The following ANGPT1 variants were observed in gnomAD, a reference collection of about 807,000 sequenced individuals.
ANGPT1 encodes angiopoietin 1.
A neutral mutation model predicts 62.2 loss-of-function variants in ANGPT1; 17 were observed. The ratio of observed to expected loss-of-function variants is 0.27; its 90% CI spans 0.19 to 0.41. The LOEUF (loss-of-function observed/expected upper bound fraction) is 0.41, where lower values mean the gene tolerates loss of function less well. Ranked by LOEUF, ANGPT1 falls within the 10% of genes least tolerant of loss-of-function variation. ANGPT1 has a pLI of 1.00. For synonymous variants in ANGPT1, 199 were observed against 198.9 expected, an observed-to-expected ratio of 1.00 and a Z score of 0.00; for missense variants, 478 against 594.9, an observed-to-expected ratio of 0.80 and a Z score of 2.04.
At chr8:107,426,447 T>C (rs971428568) in intron 1 of ANGPT1, among the ~76,000 whole-genome samples, 7 of 152,200 alleles carry the variant, frequency 4.6e-5, no homozygotes, top group Admixed American at 1.3e-4. Flanking sequence ...ATCGCATGTT[T>C]GAGGAAAGTT....
intron 1 of ANGPT1, among the ~76,000 whole-genome samples, chr8:107,377,471 A>G (rs1243413462): frequency 1.3e-5 from 2 of 152,210 alleles, no homozygotes; most frequent in Non-Finnish European, 2.9e-5. Flanking sequence ...CATTTAATCC[A>G]TCACCAAACC....
chr8:107,488,355 A>G (rs1812868905), intron 1 of ANGPT1, among the ~76,000 whole-genome samples: 1 of 152,098 alleles, frequency 6.6e-6, no homozygotes, highest in African/African-American at 2.4e-5. Context: ...CTATTTTGAA[A>G]CTATGTTCCT....
intron 1 of ANGPT1, among the ~76,000 whole-genome samples, chr8:107,384,416 A>C (rs1030989251): frequency 6.6e-6 from 1 of 151,676 alleles, no homozygotes; most frequent in Non-Finnish European, 1.5e-5. Flanking sequence ...ATCAGGAAGG[A>C]TATTACATGT....
At chr8:107,379,028 C>T (rs1586272790) in intron 1 of ANGPT1, among the ~76,000 whole-genome samples, 1 of 151,790 alleles carries the variant, frequency 6.6e-6, no homozygotes, top group Non-Finnish European at 1.5e-5. Flanking sequence ...AAAAGTTTTA[C>T]AAACTCTGTT....
chr8:107,298,460 T>G (rs1342003449), intron 5 of ANGPT1, among the ~76,000 whole-genome samples: 1 of 151,762 alleles, frequency 6.6e-6, no homozygotes, highest in Admixed American at 6.6e-5. Context: ...TACTATACAT[T>G]GAAGGGAATT....
chr8:107,332,847 T>C (rs536713278), intron 3 of ANGPT1, among the ~76,000 whole-genome samples: 1 of 152,340 alleles, frequency 6.6e-6, no homozygotes, highest in Non-Finnish European at 1.5e-5. Context: ...TAAAGGCATG[T>C]TGTTGCTGCA....
chr8:107,390,473 C>T (rs541716993), intron 1 of ANGPT1, among the ~76,000 whole-genome samples: 9 of 152,182 alleles, frequency 5.9e-5, no homozygotes, highest in East Asian at 1.9e-4. Flanking sequence ...TACAAAGTGA[C>T]GTTCTGAAGC....
intron 4 of ANGPT1, among the ~76,000 whole-genome samples, chr8:107,320,802 A>G (rs546231156): frequency 6.6e-6 from 1 of 152,306 alleles, no homozygotes; most frequent in East Asian, 1.9e-4. Context: ...AAAATCACTT[A>G]ATATGGAGTT....
chr8:107,483,597 A>G (rs1812741287), intron 1 of ANGPT1, among the ~76,000 whole-genome samples: 2 of 151,622 alleles, frequency 1.3e-5, no homozygotes, highest in East Asian at 3.9e-4. Flanking sequence ...CAAAACATAT[A>G]TGGCATAAGG....
intron 1 of ANGPT1, among the ~76,000 whole-genome samples, chr8:107,350,649 T>G (rs1182478358): frequency 6.6e-6 from 1 of 152,148 alleles, no homozygotes; most frequent in Non-Finnish European, 1.5e-5. Flanking sequence ...CAACCTACAC[T>G]AAAATGCTCA....
intron 1 of ANGPT1, among the ~76,000 whole-genome samples, chr8:107,407,607 A>T: frequency 6.6e-6 from 1 of 152,192 alleles, no homozygotes; most frequent in African/African-American, 2.4e-5. Flanking sequence ...GAAAGAAAAG[A>T]CAACATGAAA....
chr8:107,282,590 A>G (rs1259786128), intron 7 of ANGPT1, among the ~76,000 whole-genome samples: 1 of 126,326 alleles, frequency 7.9e-6, no homozygotes, highest in Non-Finnish European at 1.7e-5. Context: ...ATATATATAT[A>G]TATATGAGCC....
At chr8:107,450,495 A>G (rs1028155485) in intron 1 of ANGPT1, among the ~76,000 whole-genome samples, 4 of 151,986 alleles carry the variant, frequency 2.6e-5, no homozygotes, top group African/African-American at 7.2e-5. Flanking sequence ...GGTCTTCTAC[A>G]TTGTGCTGTT....
At chr8:107,271,884 T>G (rs1813744329) in intron 7 of ANGPT1, among the ~76,000 whole-genome samples, 2 of 148,828 alleles carry the variant, frequency 1.3e-5, no homozygotes, top group African/African-American at 5.0e-5. Context: ...TTTCCTTTCT[T>G]TACTCATAAT....
chr8:107,431,345 A>G (rs879411243), intron 1 of ANGPT1, among the ~76,000 whole-genome samples: 13 of 151,038 alleles, frequency 8.6e-5, no homozygotes, highest in Non-Finnish European at 1.6e-4. Flanking sequence ...AATGACACAC[A>G]CCTAGGTTGT....
At chr8:107,293,873 T>C (rs1448231104) in intron 6 of ANGPT1, 63 bp downstream of exon 6, 2 of 1,270,698 alleles carry the variant, frequency 1.6e-6, no homozygotes, top group Non-Finnish European at 2.2e-6. Flanking sequence ...ATTCATCATA[T>C]AGTATGGAGA....
chr8:107,445,987 G>T (rs897648639), intron 1 of ANGPT1, among the ~76,000 whole-genome samples: 1 of 152,036 alleles, frequency 6.6e-6, no homozygotes, highest in Admixed American at 6.5e-5. Flanking sequence ...GCGCTATCTC[G>T]GCTCACTGAA....
chr8:107,398,349 T>C (rs1816976501), intron 1 of ANGPT1, among the ~76,000 whole-genome samples: 1 of 152,202 alleles, frequency 6.6e-6, no homozygotes, highest in African/African-American at 2.4e-5. Flanking sequence ...GCAATTTAAA[T>C]TTAAATGTTA....
chr8:107,299,496 TATATATGTACTAAGC>T (rs1316642492), intron 5 of ANGPT1, among the ~76,000 whole-genome samples: 2 of 142,548 alleles, frequency 1.4e-5, no homozygotes, highest in Non-Finnish European at 3.0e-5. Flanking sequence ...ATACTAAGCA[TATATATGTACTAAGC>T]ATATATATAC....
Sources: gnomAD v4.1 joint callset for allele counts (sites outside exome capture counted in the v4.1 genomes callset) on GRCh38, gnomAD v4.1.1 for gene constraint, MANE v1.5 for transcripts, NCBI Gene and HGNC (gene_info 2026-07-23, HGNC 2026-07-21) for gene names.